Variants in ZNF585B observed in about 807,000 individuals in gnomAD.
ZNF585B encodes zinc finger protein 41-like protein.
Under a neutral mutation model 14.0 loss-of-function variants are expected in ZNF585B, and 7 were observed. That is an observed-to-expected ratio of 0.50 (90% confidence interval 0.28 to 0.94). ZNF585B has a LOEUF of 0.94. Among genes scored for constraint, ZNF585B ranks in the 40% least tolerant of loss-of-function variants. The pLI is 0.09. For missense variants in ZNF585B, 750 were observed against 924.4 expected (o/e 0.81, Z 2.45); for synonymous variants, 290 against 317.3 (o/e 0.91, Z 0.91).
At chr19:37,192,514 A>AT (rs1408271181) in intron 2 of ZNF585B, among the ~76,000 whole-genome samples, 5 of 141,246 alleles carry the variant, frequency 3.5e-5, no homozygotes, top group African/African-American at 9.9e-5. Flanking sequence ...CTCAAAAAAA[A>AT]AAAAAATAAA....
In ZNF585B at chr19:37,184,675, G is replaced by A. The variant is rs1972311734; in HGVS notation, c.*552C>T. 4.6e-6 allele frequency: 1 copy of A among 216,096 alleles called. No homozygotes were observed. Among genetic ancestry groups the A allele is most frequent in the Non-Finnish European group, 9.1e-6 (1 of 110,364 alleles). The allele number at this position is 216,096 out of a possible 1,614,324, so 13.4% of individuals were successfully genotyped here. A position where few individuals can be genotyped will look rare whatever the true frequency, so the allele number is the denominator to read the frequency against. On this transcript the variant is annotated 3_prime_UTR_variant, in exon 5 of 5. Transcript: ENST00000532828. ...CTGAGGTCTGTGTCTGAATACACAG[G>A]GAGTTTGTCTTATTGCAGTATCTCT... is the stretch of plus-strand genomic sequence containing the variant.
At position 37,183,642 on chromosome 19, in the gene ZNF585B, A is replaced by T. The variant is rs1374786941; in HGVS notation, c.*1585T>A. 2.0e-5 allele frequency: 3 copies of T among 152,176 alleles called. No homozygotes were observed. Among genetic ancestry groups the T allele is most frequent in the Non-Finnish European group, 4.4e-5 (3 of 68,026 alleles). 9.4% of individuals were successfully genotyped at this position (152,176 alleles called of 1,614,324 possible). ...CGGACAAGCCACAGATAAAATAAAG[A>T]ATTGTGCTCTTTGCAACGGGCACTG... On this transcript the variant is annotated 3_prime_UTR_variant, in exon 5 of 5. Transcript: ENST00000532828.
rs1972347979 is a variant in ZNF585B at position 37,187,162 on chromosome 19, A to G, written c.375T>C (p.Ser125=). 4 of 1,613,910 alleles carry G rather than the reference A, an allele frequency of 2.5e-6. No homozygotes were observed. The highest frequency in any genetic ancestry group is 1.1e-5 in the South Asian group (1 of 91,046). ...PASSQDQKIY[S]GEKSYECAEF... ...CAGCACACTCATAGGATTTTTCCCC[A>G]GAATAAATTTTTTGATCTTGAGAGG... is the stretch of plus-strand genomic sequence containing the variant. Residue 125 remains serine, a synonymous_variant, in exon 5 of 5, where the codon TCT becomes TCC. Coordinates refer to ENST00000532828, the MANE Select transcript of ZNF585B (RefSeq NM_152279.4).
intron 2 of ZNF585B, among the ~76,000 whole-genome samples, chr19:37,194,525 A>G (rs1179637912): frequency 6.6e-6 from 1 of 152,136 alleles, no homozygotes; most frequent in Non-Finnish European, 1.5e-5. Flanking sequence ...AGGGAGGAGA[A>G]TTGTTTGAAC....
intron 2 of ZNF585B, chr19:37,199,642 G>A: frequency 3.7e-6 from 1 of 273,534 alleles, no homozygotes; most frequent in Non-Finnish European, 7.4e-6. Flanking sequence ...AAAATAGAGA[G>A]GAGATTAAAA....
chr19:37,207,934 C>T (rs574513160), intron 1 of ZNF585B, among the ~76,000 whole-genome samples: 1 of 151,932 alleles, frequency 6.6e-6, no homozygotes, highest in Non-Finnish European at 1.5e-5. Context: ...ATGCAATTGG[C>T]CATGCATCTG....
At chr19:37,194,408 G>A (rs1025426646) in intron 2 of ZNF585B, among the ~76,000 whole-genome samples, 2 of 152,160 alleles carry the variant, frequency 1.3e-5, no homozygotes, top group African/African-American at 4.8e-5. Context: ...GAGGTGAGGG[G>A]TTCAAAACCA....
In ZNF585B at chr19:37,186,898, T is replaced by C. The variant is rs377688182; in HGVS notation, c.639A>G (p.Leu213=). 3 of 1,613,896 alleles carry C rather than the reference T, an allele frequency of 1.9e-6. No individual in the cohort carries two copies. Among genetic ancestry groups the C allele is most frequent in the African/African-American group, 1.3e-5 (1 of 74,910 alleles). ...CTTTCCCACATTCACTACATTCATATAGTTTTTCTCCGGTATGAATTCTGT... is the reference window on the plus strand; with the variant it reads ...CTTTCCCACATTCACTACATTCATACAGTTTTTCTCCGGTATGAATTCTGT... The part of the protein sequence containing the change: ...RHHRIHTGEK[L]YECSECGKGF... Residue 213 remains leucine, a synonymous_variant, in exon 5 of 5, where the codon CTA becomes CTG. Coordinates refer to ENST00000532828, the MANE Select transcript of ZNF585B (RefSeq NM_152279.4).
intron 2 of ZNF585B, among the ~76,000 whole-genome samples, chr19:37,203,573 G>C (rs1972556660): frequency 6.6e-6 from 1 of 151,422 alleles, no homozygotes; most frequent in African/African-American, 2.4e-5. Flanking sequence ...ATTTTTAAGT[G>C]TCCAGTTCAG....
At chr19:37,193,925 G>C (rs1972432512) in intron 2 of ZNF585B, among the ~76,000 whole-genome samples, 3 of 152,226 alleles carry the variant, frequency 2.0e-5, no homozygotes. Flanking sequence ...ATGGGTATTA[G>C]ATGATAACAA....
At chr19:37,187,632 T>G (rs1235486152) in intron 4 of ZNF585B, among the ~76,000 whole-genome samples, 2 of 152,202 alleles carry the variant, frequency 1.3e-5, no homozygotes, top group Non-Finnish European at 2.9e-5. Flanking sequence ...GAAGTCTTTT[T>G]TTTTTCCAGA....
chr19:37,184,762 G>A lies in ZNF585B; in HGVS notation c.*465C>T, dbSNP rs1490140889. On this transcript the variant is annotated 3_prime_UTR_variant, in exon 5 of 5. Coordinates refer to ENST00000532828, the MANE Select transcript of ZNF585B (RefSeq NM_152279.4). ...CACAACTGTGTTCGATTCAAAAGAA[G>A]AAAATACCCACAATTCTACTAGACA... is the stretch of plus-strand genomic sequence containing the variant. The A allele has an allele frequency of 1.3e-5, 5 of 382,800 alleles. No individual in the cohort carries two copies. Among genetic ancestry groups the A allele is most frequent in the Non-Finnish European group, 2.3e-5 (5 of 215,758 alleles). The allele number at this position is 382,800 out of a possible 1,614,324, so 23.7% of individuals were successfully genotyped here. A position where few individuals can be genotyped will look rare whatever the true frequency, so the allele number is the denominator to read the frequency against.
chr19:37,199,518 C>T (rs1234250), intron 2 of ZNF585B: 291,057 of 441,402 alleles, frequency 0.66, 98,306 homozygotes, highest in East Asian at 0.91. Context: ...AGTGAGACCC[C>T]GTTTCAAAAA....
At position 37,184,785 on chromosome 19, in the gene ZNF585B, A is replaced by C; in HGVS notation, c.*442T>G. ...AAGAAAATACCCACAATTCTACTAG[A>C]CAGTGTGTTCTGGAACAAACAACTC... On this transcript the variant is annotated 3_prime_UTR_variant, in exon 5 of 5. Coordinates refer to ENST00000532828, the MANE Select transcript of ZNF585B (RefSeq NM_152279.4). The C allele has an allele frequency of 2.5e-6, 1 of 401,032 alleles. No individual in the cohort carries two copies. The highest frequency in any genetic ancestry group is 4.4e-6 in the Non-Finnish European group (1 of 226,478). 24.8% of individuals were successfully genotyped at this position (401,032 alleles called of 1,614,324 possible).
intron 2 of ZNF585B, among the ~76,000 whole-genome samples, chr19:37,206,026 G>C (rs1972581788): frequency 6.6e-6 from 1 of 152,102 alleles, no homozygotes; most frequent in Non-Finnish European, 1.5e-5. Flanking sequence ...GTTGCAGTGA[G>C]CGGAGATCAT....
chr19:37,193,229 T>C (rs532515812), intron 2 of ZNF585B, among the ~76,000 whole-genome samples: 3 of 150,276 alleles, frequency 2.0e-5, no homozygotes, highest in South Asian at 2.1e-4. Context: ...CCCAGCACTT[T>C]GGGAGGCCGA....
rs1227526304 is a variant in ZNF585B at position 37,183,109 on chromosome 19, C to T, written c.*2118G>A. 1.3e-5 allele frequency: 2 copies of T among 152,180 alleles called. No individual in the cohort carries two copies. Among genetic ancestry groups the T allele is most frequent in the Non-Finnish European group, 2.9e-5 (2 of 68,050 alleles). 9.4% of individuals were successfully genotyped at this position (152,180 alleles called of 1,614,324 possible). The stretch of plus-strand genomic sequence containing the variant: ...GGAGTCTTTTGCAATCATGTTGGAG[C>T]TGTGGGATTCTGGAATCATGGCAGG... On this transcript the variant is annotated 3_prime_UTR_variant, in exon 5 of 5. Transcript: ENST00000532828.
chr19:37,207,985 TTC>T (rs1266483909), intron 1 of ZNF585B, among the ~76,000 whole-genome samples: 1 of 152,090 alleles, frequency 6.6e-6, no homozygotes, highest in Non-Finnish European at 1.5e-5. Flanking sequence ...CAATATTTTT[TTC>T]TTTTAAGATG....
At chr19:37,199,027 C>A (rs1972502791) in intron 2 of ZNF585B, 3 of 1,528,874 alleles carry the variant, frequency 2.0e-6, no homozygotes, top group Non-Finnish European at 2.6e-6. Flanking sequence ...CTCAGAACAT[C>A]ATTTCTTTGA....
Sources: gnomAD v4.1 joint callset for allele counts (sites outside exome capture counted in the v4.1 genomes callset) on GRCh38, gnomAD v4.1.1 for gene constraint, MANE v1.5 for transcripts, NCBI Gene and HGNC (gene_info 2026-07-23, HGNC 2026-07-21) for gene names.